The following LMF1 variants were observed in gnomAD, a reference collection of about 807,000 sequenced individuals.
LMF1 encodes the protein transmembrane protein 112.
In LMF1, 68 loss-of-function variants were observed where a neutral mutation model predicts 60.6. The observed-to-expected ratio is 1.12, with a 90% confidence interval of 0.92 to 1.37. The LOEUF (loss-of-function observed/expected upper bound fraction) is 1.37. Among genes scored for constraint, LMF1 ranks in the 40% most tolerant of loss-of-function variants. The pLI, the probability that LMF1 is intolerant of heterozygous loss-of-function variation, is 0.00. For synonymous variants in LMF1, 418 were observed against 324.7 expected, an observed-to-expected ratio of 1.29 and a Z score of -3.09; for missense variants, 948 against 767.2, an observed-to-expected ratio of 1.24 and a Z score of -2.78.
intron 1 of LMF1, chr16:980,709 G>C (rs1257185917): frequency 1.3e-5 from 2 of 152,138 alleles, no homozygotes; most frequent in African/African-American, 4.8e-5. Context: ...GGGCGGCCTT[G>C]GGCGGGGACC....
intron 2 of LMF1, among the ~76,000 whole-genome samples, chr16:950,034 G>A (rs1262241008): frequency 3.9e-5 from 5 of 128,652 alleles, no homozygotes; most frequent in Admixed American, 7.7e-5. Context: ...GTCAGCCAAC[G>A]ACAGAGTCAG....
intron 10 of LMF1, among the ~76,000 whole-genome samples, chr16:864,226 G>T (rs2069547292): frequency 6.6e-6 from 1 of 152,190 alleles, no homozygotes; most frequent in South Asian, 2.1e-4. Context: ...GGTCTACTTT[G>T]AGGTTAATAC....
intron 9 of LMF1, chr16:869,314 C>T: frequency 3.0e-6 from 2 of 672,618 alleles, no homozygotes; most frequent in South Asian, 1.5e-5. Context: ...ACCCCAGCAC[C>T]CTCTGTCTGG....
chr16:914,568 CCT>C (rs2071220371), intron 3 of LMF1, among the ~76,000 whole-genome samples: 1 of 93,786 alleles, frequency 1.1e-5, no homozygotes, highest in Non-Finnish European at 2.4e-5. Context: ...TGACACACTC[CCT>C]CTTTCCCTCC....
chr16:864,517 G>C (rs542207624), intron 10 of LMF1, among the ~76,000 whole-genome samples: 7 of 152,306 alleles, frequency 4.6e-5, no homozygotes, highest in African/African-American at 1.7e-4. Context: ...TAATGTAAGT[G>C]TTCTGAGCAC....
intron 2 of LMF1, among the ~76,000 whole-genome samples, chr16:950,285 G>A (rs1301180013): frequency 9.3e-6 from 1 of 107,512 alleles, no homozygotes; most frequent in Non-Finnish European, 1.8e-5. Flanking sequence ...CAGAGTCAGA[G>A]ACAATGACAA....
At chr16:893,403 C>T (rs1224673971) in intron 4 of LMF1, 3 of 476,786 alleles carry the variant, frequency 6.3e-6, no homozygotes, top group East Asian at 6.2e-5. Context: ...GACAAATGCA[C>T]CACGCCCTGC....
chr16:951,888 T>C (rs1439009820), intron 2 of LMF1, among the ~76,000 whole-genome samples: 1 of 152,240 alleles, frequency 6.6e-6, no homozygotes, highest in Non-Finnish European at 1.5e-5. Flanking sequence ...ACAGCTCATG[T>C]GAACGTGATG....
intron 6 of LMF1, among the ~76,000 whole-genome samples, chr16:875,403 C>G (rs956732845): frequency 3.9e-5 from 6 of 152,140 alleles, no homozygotes; most frequent in Non-Finnish European, 8.8e-5. Flanking sequence ...TTCCTGCGTT[C>G]TGAATAAACA....
chr16:911,258 A>C (rs2071105142), intron 3 of LMF1, 179 bp from the exon 4 acceptor site: 7 of 782,030 alleles, frequency 9.0e-6, no homozygotes, highest in Non-Finnish European at 1.5e-5. Context: ...GGTCTGCAGG[A>C]GTGGGAGCTC....
chr16:884,698 G>A (rs1177710469), intron 5 of LMF1, among the ~76,000 whole-genome samples: 3 of 150,340 alleles, frequency 2.0e-5, no homozygotes, highest in African/African-American at 7.4e-5. Flanking sequence ...GAAGAGCTCT[G>A]GAAATGGTGA....
chr16:874,207 A>C lies in LMF1; in HGVS notation c.898-2866T>G, dbSNP rs185827954. 3.9e-5 allele frequency among the ~76,000 whole-genome samples: 6 copies of C among 152,330 alleles called. No homozygotes were observed. The East Asian group carries it at 1.2e-3, about 29-fold the overall frequency. On this transcript the variant is annotated intron_variant, in intron 6 of 10. Coordinates refer to ENST00000262301, the MANE Select transcript of LMF1 (RefSeq NM_022773.4). This position sits in a 1 kb window ranked among gnomAD's most constrained non-coding sequence, Gnocchi z 4.1. ...TCTGTGTTGTTTCATCACAACCGAA[A>C]CACAGCTAAGGGCCGGTGAGCCCAG...
At chr16:870,611 G>C in intron 8 of LMF1, 118 bp downstream of exon 8, 2 of 1,206,606 alleles carry the variant, frequency 1.7e-6, no homozygotes, top group Non-Finnish European at 2.4e-6. Flanking sequence ...GGCTGGGGTG[G>C]GGCAGGGGAC....
chr16:895,846 C>T (rs533800345), intron 4 of LMF1, among the ~76,000 whole-genome samples: 6 of 151,600 alleles, frequency 4.0e-5, no homozygotes, highest in African/African-American at 9.7e-5. Context: ...TCCACACACA[C>T]GCCTCGGAGG....
intron 2 of LMF1, among the ~76,000 whole-genome samples, chr16:940,506 A>C (rs1223256681): frequency 6.6e-6 from 1 of 152,256 alleles, no homozygotes; most frequent in East Asian, 1.9e-4. Flanking sequence ...GGGAAACCCC[A>C]AAGAGGAACA....
intron 1 of LMF1, chr16:976,903 G>A (rs758882292): frequency 1.1e-5 from 5 of 454,028 alleles, no homozygotes; most frequent in African/African-American, 2.0e-5. Context: ...CCGCCAGCGC[G>A]GGTTCACGGA....
intron 4 of LMF1, among the ~76,000 whole-genome samples, chr16:909,816 C>T (rs966185907): frequency 7.2e-5 from 11 of 152,186 alleles, no homozygotes; most frequent in Admixed American, 2.6e-4. Context: ...AGCCACGCCT[C>T]GAGGCCAGGG....
chr16:890,621 C>A (rs866286077), intron 5 of LMF1, among the ~76,000 whole-genome samples: 9 of 152,236 alleles, frequency 5.9e-5, no homozygotes, highest in South Asian at 2.1e-4. Context: ...GTGGCCTCAG[C>A]CACAATCCAA....
At chr16:862,031 A>T (rs2069480961) in intron 10 of LMF1, among the ~76,000 whole-genome samples, 1 of 152,190 alleles carries the variant, frequency 6.6e-6, no homozygotes, top group Admixed American at 6.5e-5. Context: ...GACAGATGTG[A>T]TCGTGTGAGT....
Sources: gnomAD v4.1 joint callset for allele counts (sites outside exome capture counted in the v4.1 genomes callset) on GRCh38, gnomAD v4.1.1 for gene constraint, Gnocchi (gnomAD v3.1) non-coding constraint, MANE v1.5 for transcripts, NCBI Gene and HGNC (gene_info 2026-07-23, HGNC 2026-07-21) for gene names.